The following CREB1 variants were observed in gnomAD, a reference collection of about 807,000 sequenced individuals.
CREB1 encodes cAMP responsive element binding protein 1, also known as cyclic AMP-responsive element-binding protein 1.
A neutral mutation model predicts 42.0 loss-of-function variants in CREB1; 2 were observed. The ratio of observed to expected loss-of-function variants is 0.05; its 90% CI spans 0.02 to 0.15. CREB1 has a LOEUF of 0.15. CREB1 is among the 10% of genes least tolerant of loss of function. The pLI, the probability that CREB1 is intolerant of heterozygous loss-of-function variation, is 1.00. For missense variants in CREB1, 199 were observed against 388.9 expected (o/e 0.51, Z 4.11); for synonymous variants, 123 against 139.9 (o/e 0.88, Z 0.85).
chr2:207,576,920 A>G (rs1321323189), intron 6 of CREB1: 1 of 887,528 alleles, frequency 1.1e-6, no homozygotes, highest in African/African-American at 1.8e-5. Context: ...ACTTCAGTTT[A>G]TTTAGCCATT....
intron 1 of CREB1, among the ~76,000 whole-genome samples, chr2:207,532,568 G>A (rs985358013): frequency 3.2e-4 from 49 of 151,146 alleles, no homozygotes; most frequent in African/African-American, 1.2e-3. Flanking sequence ...AGCTACTAGG[G>A]TAGCTGAGGC....
At chr2:207,537,735 T>C (rs1399067291) in intron 1 of CREB1, among the ~76,000 whole-genome samples, 5 of 152,200 alleles carry the variant, frequency 3.3e-5, no homozygotes, top group Non-Finnish European at 2.9e-5. Flanking sequence ...CTCCCCTTAA[T>C]ATATACACAC....
At chr2:207,567,693 A>G (rs1259839059) in intron 4 of CREB1, 130 bp downstream of exon 4, 4 of 538,436 alleles carry the variant, frequency 7.4e-6, no homozygotes, top group Admixed American at 3.1e-5. Context: ...ATCTTGAGTT[A>G]TTTGTCTCAA....
chr2:207,558,183 G>A (rs2081808019), intron 2 of CREB1, among the ~76,000 whole-genome samples: 3 of 152,262 alleles, frequency 2.0e-5, no homozygotes. Context: ...GAAGCTTCTG[G>A]TTTTACCCTA....
chr2:207,547,142 C>T (rs2081330169), intron 1 of CREB1, among the ~76,000 whole-genome samples: 1 of 152,174 alleles, frequency 6.6e-6, no homozygotes, highest in African/African-American at 2.4e-5. Flanking sequence ...CTCAAGAAAA[C>T]TGAATTTTCA....
chr2:207,585,118 G>A (rs2083589464), intron 7 of CREB1, among the ~76,000 whole-genome samples: 1 of 152,120 alleles, frequency 6.6e-6, no homozygotes, highest in Non-Finnish European at 1.5e-5. Context: ...GAATCATGAA[G>A]GCCAGCTCGC....
intron 1 of CREB1, among the ~76,000 whole-genome samples, chr2:207,538,861 A>G (rs1481788497): frequency 2.0e-5 from 3 of 152,212 alleles, no homozygotes; most frequent in Non-Finnish European, 4.4e-5. Context: ...TTTTGGTTGT[A>G]ACTGTATGAC....
At chr2:207,549,398 A>G (rs2081415492) in intron 1 of CREB1, among the ~76,000 whole-genome samples, 1 of 152,100 alleles carries the variant, frequency 6.6e-6, no homozygotes, top group South Asian at 2.1e-4. Context: ...AAGATAAATG[A>G]CAAGTATTTT....
At chr2:207,582,067 G>C (rs2083035401) in intron 7 of CREB1, 1 of 700,792 alleles carries the variant, frequency 1.4e-6, no homozygotes, top group Non-Finnish European at 2.6e-6. Context: ...TTGATCACTT[G>C]GTTAAAGTGC....
rs1432962340 is a variant in CREB1, at chr2:207,605,717, T to C, written c.*8659T>C. Among the ~76,000 whole-genome samples, 1 of 152,162 alleles carries C rather than the reference T, an allele frequency of 6.6e-6. No individual in the cohort carries two copies. Among genetic ancestry groups the C allele is most frequent in the Admixed American group, 6.5e-5 (1 of 15,284 alleles). Reference sequence around the variant, plus strand: ...CATTGTACAGATACAGTTTAACCAGTCCTCTTCTGGGGACATTTGGCTGTT... The same window carrying C: ...CATTGTACAGATACAGTTTAACCAGCCCTCTTCTGGGGACATTTGGCTGTT... On this transcript the variant is annotated 3_prime_UTR_variant, in exon 8 of 8. Transcript: ENST00000353267.
At chr2:207,571,778 T>A (rs1368420480) in intron 5 of CREB1, 2 of 453,060 alleles carry the variant, frequency 4.4e-6, no homozygotes, top group Admixed American at 2.4e-5. Context: ...ACAGATTCAC[T>A]GTTACAGAGA....
In CREB1 at chr2:207,603,811, A is replaced by G. The variant is rs969703244; in HGVS notation, c.*6753A>G. ...CTGTGATCATATAAATTGGAAGGAA[A>G]GGGGAGGGGATATGGTTAATCTTTG... On this transcript the variant is annotated 3_prime_UTR_variant, in exon 8 of 8. Coordinates refer to ENST00000353267, the MANE Select transcript of CREB1 (RefSeq NM_004379.5). Among the ~76,000 whole-genome samples, 3 of 152,206 alleles carry G rather than the reference A, an allele frequency of 2.0e-5. No individual in the cohort carries two copies. The highest frequency in any genetic ancestry group is 4.4e-5 in the Non-Finnish European group (3 of 68,026).
At chr2:207,590,319 C>T (rs998979283) in intron 7 of CREB1, among the ~76,000 whole-genome samples, 1 of 151,700 alleles carries the variant, frequency 6.6e-6, no homozygotes, top group African/African-American at 2.4e-5. Flanking sequence ...TTTCCTCTCT[C>T]TCTGTATTCG....
intron 2 of CREB1, among the ~76,000 whole-genome samples, chr2:207,556,705 C>G (rs777653321): frequency 1.3e-5 from 2 of 152,188 alleles, no homozygotes; most frequent in Non-Finnish European, 2.9e-5. Context: ...AGGAATAAGA[C>G]AAAGCCAAAT....
At chr2:207,570,857 A>G (rs2082325876) in intron 5 of CREB1, among the ~76,000 whole-genome samples, 2 of 152,116 alleles carry the variant, frequency 1.3e-5, no homozygotes, top group Admixed American at 1.3e-4. Flanking sequence ...TAAAGCAAAA[A>G]TTGCTCTTAC....
At chr2:207,548,475 G>T (rs2081378491) in intron 1 of CREB1, among the ~76,000 whole-genome samples, 1 of 152,084 alleles carries the variant, frequency 6.6e-6, no homozygotes, top group African/African-American at 2.4e-5. Context: ...CTGGGGCCAG[G>T]CCCGGTGGCT....
In CREB1 at chr2:207,598,995, G is replaced by A. The variant is rs56325368; in HGVS notation, c.*1937G>A. ...AAATATGAAGATTTAAGTGTTAATTGCTGGATCCATTTTAAAATAAGATTT... is the reference window on the plus strand; with the variant it reads ...AAATATGAAGATTTAAGTGTTAATTACTGGATCCATTTTAAAATAAGATTT... On this transcript the variant is annotated 3_prime_UTR_variant, in exon 8 of 8. Transcript: ENST00000353267. 12,872 of 185,022 alleles carry A rather than the reference G, an allele frequency of 0.07. 909 individuals carry two copies. The highest frequency in any genetic ancestry group is 0.23 in the East Asian group (2,523 of 11,116). The allele number at this position is 185,022 out of a possible 1,614,324, so 11.5% of individuals were successfully genotyped here. A position where few individuals can be genotyped will look rare whatever the true frequency, so the allele number is the denominator to read the frequency against.
At chr2:207,562,452 A>G (rs544963704) in intron 3 of CREB1, among the ~76,000 whole-genome samples, 1 of 152,316 alleles carries the variant, frequency 6.6e-6, no homozygotes, top group African/African-American at 2.4e-5. Flanking sequence ...TGAAGATTTT[A>G]TGGCCATTAA....
Position 207,572,415 on chromosome 2 carries a change from A to T in CREB1, c.505+2094A>T, listed in dbSNP as rs1054846496. On this transcript the variant is annotated intron_variant, in intron 5 of 7. Transcript: ENST00000353267. ...ATATACAGCAACATTTATATTTCTT[A>T]ACTTATAAAATGAACATATGGTTGT... Among the ~76,000 whole-genome samples the T allele has an allele frequency of 3.9e-5, 6 of 152,274 alleles. No individual in the cohort carries two copies. In the East Asian group the frequency reaches 1.2e-3, roughly 29 times the overall value.
Sources: gnomAD v4.1 joint callset for allele counts (sites outside exome capture counted in the v4.1 genomes callset) on GRCh38, gnomAD v4.1.1 for gene constraint, MANE v1.5 for transcripts, NCBI Gene and HGNC (gene_info 2026-07-23, HGNC 2026-07-21) for gene names.